The following DUSP14 variants were observed in gnomAD, a reference collection of about 807,000 sequenced individuals.
DUSP14 encodes the protein dual specificity phosphatase 14.
DUSP14 carries 5 observed loss-of-function variants against 13.2 expected under a neutral mutation model. That is an observed-to-expected ratio of 0.38 (90% CI 0.20 to 0.80). The LOEUF (loss-of-function observed/expected upper bound fraction) is 0.80. DUSP14 is among the 30% of genes least tolerant of loss of function. DUSP14 has a pLI of 0.44. For synonymous variants in DUSP14, 91 were observed against 103.4 expected (o/e 0.88, Z 0.73); for missense variants, 185 against 264.0 (o/e 0.70, Z 2.07).
chr17:37,511,938 C>CTTTTTTTTTTTTTTTTTTT (rs58893696), intron 2 of DUSP14, among the ~76,000 whole-genome samples: 8 of 38,248 alleles, frequency 2.1e-4, no homozygotes, highest in Admixed American at 9.5e-4. Flanking sequence ...CCCCACCCCA[C>CTTTTTTTTTTTTTTTTTTT]TTTTTTTTTT....
At chr17:37,496,932 AAAG>A (rs1352631531) in intron 1 of DUSP14, among the ~76,000 whole-genome samples, 1 of 140,988 alleles carries the variant, frequency 7.1e-6, no homozygotes, top group Non-Finnish European at 1.5e-5. Flanking sequence ...AAAAAAAAAA[AAAG>A]AAAAGAAAAT....
chr17:37,508,285 C>T (rs901287213), intron 1 of DUSP14, among the ~76,000 whole-genome samples: 11 of 142,508 alleles, frequency 7.7e-5, no homozygotes, highest in South Asian at 6.6e-4. Flanking sequence ...GCCCCCGACC[C>T]GCAGCCTCAC....
At chr17:37,490,241 C>T (rs910602192) in intron 1 of DUSP14, among the ~76,000 whole-genome samples, 1 of 151,956 alleles carries the variant, frequency 6.6e-6, no homozygotes, top group African/African-American at 2.4e-5. Flanking sequence ...GCCGCCCCCG[C>T]GACCCTGTCC....
At chr17:37,492,267 T>C (rs1453465751) in intron 1 of DUSP14, among the ~76,000 whole-genome samples, 1 of 152,230 alleles carries the variant, frequency 6.6e-6, no homozygotes, top group Non-Finnish European at 1.5e-5. Context: ...TACTAGCCTA[T>C]TGTCTTGTCT....
chr17:37,503,157 G>T (rs2054115771), intron 1 of DUSP14, among the ~76,000 whole-genome samples: 1 of 152,168 alleles, frequency 6.6e-6, no homozygotes, highest in Non-Finnish European at 1.5e-5. Flanking sequence ...GGCCACAGTG[G>T]CTTATGCCTG....
intron 1 of DUSP14, among the ~76,000 whole-genome samples, chr17:37,508,730 T>C (rs184031055): frequency 1.1e-3 from 156 of 136,856 alleles, no homozygotes; most frequent in African/African-American, 3.8e-3. Flanking sequence ...CCAGACTCCA[T>C]CTCAATATAT....
At chr17:37,491,103 A>G (rs966820341) in intron 1 of DUSP14, among the ~76,000 whole-genome samples, 1 of 152,192 alleles carries the variant, frequency 6.6e-6, no homozygotes, top group African/African-American at 2.4e-5. Context: ...CTCTCCGCTC[A>G]TTTCCTTCCT....
chr17:37,490,425 A>G (rs576274455), intron 1 of DUSP14, among the ~76,000 whole-genome samples: 6 of 152,324 alleles, frequency 3.9e-5, no homozygotes, highest in South Asian at 2.1e-4. Flanking sequence ...AGCGATGCCA[A>G]GTGTCCAACT....
chr17:37,494,524 AACAG>A lies in DUSP14; in HGVS notation c.-181+4571_-181+4574del, dbSNP rs2054050866. On this transcript the variant is annotated intron_variant, in intron 1 of 2. Transcript: ENST00000617516. Reference sequence around the variant, plus strand: ...ATCCAGCTTGAATTCCTGCTTTGTGAACAGACAGTTACCAGGCTCACTTTGATTG... The same window carrying A: ...ATCCAGCTTGAATTCCTGCTTTGTGAACAGTTACCAGGCTCACTTTGATTG... Among the ~76,000 whole-genome samples the A allele has an allele frequency of 2.0e-5, 3 of 152,232 alleles. No individual in the cohort carries two copies. In the South Asian group the frequency reaches 6.2e-4, roughly 32 times the overall value.
At chr17:37,499,500 C>T (rs543016020) in intron 1 of DUSP14, among the ~76,000 whole-genome samples, 2 of 151,844 alleles carry the variant, frequency 1.3e-5, no homozygotes, top group South Asian at 2.1e-4. Context: ...CCACCACACC[C>T]GACCCTCTAG....
chr17:37,511,939 T>TTTTTTTTTG, intron 2 of DUSP14, among the ~76,000 whole-genome samples: 1 of 31,300 alleles, frequency 3.2e-5, no homozygotes, highest in Non-Finnish European at 5.6e-5. Flanking sequence ...CCCACCCCAC[T>TTTTTTTTTG]TTTTTTTTTT....
Position 37,513,242 on chromosome 17 carries a change from T to TAGAG in DUSP14, c.*375_*378dup, listed in dbSNP as rs776097530. ...TCACTTTGGGGCCTCATTAACCCTT[T>TAGAG]AGAGACAAGCTTTGCCCCAGGCTGC... On this transcript the variant is annotated 3_prime_UTR_variant, in exon 3 of 3. Coordinates refer to ENST00000617516, the MANE Select transcript of DUSP14 (RefSeq NM_007026.4). 7.0e-5 allele frequency: 15 copies of TAGAG among 214,794 alleles called. No homozygotes were observed. The highest frequency in any genetic ancestry group is 1.4e-4 in the Non-Finnish European group (14 of 99,248). 13.3% of individuals were successfully genotyped at this position (214,794 alleles called of 1,614,324 possible).
At chr17:37,508,827 G>A (rs922732512) in intron 1 of DUSP14, among the ~76,000 whole-genome samples, 4 of 145,680 alleles carry the variant, frequency 2.7e-5, no homozygotes, top group Non-Finnish European at 3.0e-5. Flanking sequence ...TTAAACATAC[G>A]TGTCATAGGA....
chr17:37,511,917 AG>A (rs2054189593), intron 2 of DUSP14, among the ~76,000 whole-genome samples: 1 of 66,414 alleles, frequency 1.5e-5, no homozygotes, highest in African/African-American at 6.4e-5. Flanking sequence ...CACCATGCCC[AG>A]CCACCCCCCC....
intron 1 of DUSP14, among the ~76,000 whole-genome samples, chr17:37,509,128 T>TATATATATATACACAC (rs1483030488): frequency 3.2e-5 from 1 of 31,196 alleles, no homozygotes. Flanking sequence ...TATATATATA[T>TATATATATATACACAC]ACACACACAC....
intron 1 of DUSP14, among the ~76,000 whole-genome samples, chr17:37,504,179 G>A (rs2054122855): frequency 6.6e-6 from 1 of 152,188 alleles, no homozygotes; most frequent in Non-Finnish European, 1.5e-5. Flanking sequence ...GAGTGACAGA[G>A]CAAGACACCA....
In DUSP14 at chr17:37,512,332, C is replaced by A. The variant is rs143763398; in HGVS notation, c.60C>A (p.Ser20=). 2 of 1,613,960 alleles carry A rather than the reference C, an allele frequency of 1.2e-6. No individual in the cohort carries two copies. The highest frequency in any genetic ancestry group is 1.7e-6 in the Non-Finnish European group (2 of 1,179,938). ...CTCTCATGGCCCCTCGGATGATTTC[C>A]GAGGGAGACATAGGAGGCATTGCTC... ...PRTLMAPRMI[S]EGDIGGIAQI... The change falls in exon 3 of 3, where the codon TCC becomes TCA. Residue 20 remains serine, a synonymous_variant. Transcript: ENST00000617516. This position sits in a 1 kb window ranked among gnomAD's most constrained non-coding sequence, Gnocchi z 4.8.
chr17:37,513,380 C>G lies in DUSP14; in HGVS notation c.*511C>G, dbSNP rs2054212651. 1.2e-5 allele frequency: 2 copies of G among 169,194 alleles called. No individual in the cohort carries two copies. Among genetic ancestry groups the G allele is most frequent in the Non-Finnish European group, 2.9e-5 (2 of 69,668 alleles). The allele number at this position is 169,194 out of a possible 1,614,324, so 10.5% of individuals were successfully genotyped here. On this transcript the variant is annotated 3_prime_UTR_variant, in exon 3 of 3. Coordinates refer to ENST00000617516, the MANE Select transcript of DUSP14 (RefSeq NM_007026.4). ...AGTGACTCTGTAAGTAAGTTAAATA[C>G]ACCCTTATTATTTAGCTGTTAAGTA... is the stretch of plus-strand genomic sequence containing the variant.
chr17:37,509,108 T>C (rs2054157685), intron 1 of DUSP14, among the ~76,000 whole-genome samples: 1 of 27,026 alleles, frequency 3.7e-5, no homozygotes. Context: ...AAAACCCATA[T>C]ATATATATAT....
Sources: allele counts gnomAD v4.1 joint callset (sites outside exome capture counted in the v4.1 genomes callset), GRCh38; gene constraint gnomAD v4.1.1; non-coding constraint Gnocchi (gnomAD v3.1); transcripts MANE v1.5; gene names NCBI Gene and HGNC (gene_info 2026-07-23, HGNC 2026-07-21).